The following UBE4B variants were observed in gnomAD, a reference collection of about 807,000 sequenced individuals.
UBE4B encodes the protein ubiquitin conjugation factor E4 B.
UBE4B carries 27 observed loss-of-function variants against 148.1 expected under a neutral mutation model. The ratio of observed to expected loss-of-function variants is 0.18; its 90% CI spans 0.13 to 0.25. The LOEUF (loss-of-function observed/expected upper bound fraction) is 0.25. Among genes scored for constraint, UBE4B ranks in the 10% least tolerant of loss-of-function variants. The probability of loss-of-function intolerance (pLI) is 1.00; values close to 1 mark genes in which losing one functional copy is unlikely to be tolerated. For synonymous variants in UBE4B, 596 were observed against 619.3 expected, an observed-to-expected ratio of 0.96 and a Z score of 0.56; for missense variants, 1,170 against 1,662.4, an observed-to-expected ratio of 0.70 and a Z score of 5.15.
At chr1:10,060,663 C>A (rs937915695) in intron 1 of UBE4B, among the ~76,000 whole-genome samples, 4 of 152,122 alleles carry the variant, frequency 2.6e-5, no homozygotes, top group African/African-American at 9.7e-5. Flanking sequence ...TAAGTGTGGT[C>A]ATCAGAAAAT....
Position 10,072,049 on chromosome 1 carries a change from C to T in UBE4B, c.46C>T (p.Arg16Ter). The change falls in exon 2 of 28, where the codon CGA becomes TGA. Residue 16 changes from arginine to a stop codon, truncating the protein, a stop_gained. Coordinates refer to ENST00000343090, the MANE Select transcript of UBE4B (RefSeq NM_001105562.3). LOFTEE classifies it high-confidence loss of function. ...ADEIRRRRLA[R>*]LAGGQTSQPT... is the part of the protein sequence containing the mutation. ...GTAGATTCGACGGAGGCGCCTTGCA[C>T]GACTTGCTGGTGGACAGACCTCTCA... 2 of 1,600,452 alleles carry T rather than the reference C, an allele frequency of 1.2e-6. No homozygotes were observed. The highest frequency in any genetic ancestry group is 1.7e-6 in the Non-Finnish European group (2 of 1,174,556).
At chr1:10,081,126 G>A (rs1050002101) in intron 2 of UBE4B, among the ~76,000 whole-genome samples, 1 of 152,076 alleles carries the variant, frequency 6.6e-6, no homozygotes, top group Admixed American at 6.6e-5. Flanking sequence ...ACAATGGCAC[G>A]ATCTTGGCTC....
intron 1 of UBE4B, among the ~76,000 whole-genome samples, chr1:10,035,900 C>A (rs928935025): frequency 4.7e-5 from 7 of 148,980 alleles, no homozygotes; most frequent in Non-Finnish European, 8.9e-5. Context: ...CCCGCCACCA[C>A]GCCCGGCTAA....
intron 7 of UBE4B, among the ~76,000 whole-genome samples, chr1:10,109,604 G>C (rs1042412833): frequency 1.3e-5 from 2 of 151,764 alleles, no homozygotes; most frequent in Non-Finnish European, 2.9e-5. Flanking sequence ...AAGAACTTAG[G>C]GTTCTTCTAA....
intron 2 of UBE4B, among the ~76,000 whole-genome samples, chr1:10,085,367 C>T (rs964624356): frequency 1.3e-5 from 2 of 152,146 alleles, no homozygotes; most frequent in African/African-American, 2.4e-5. Flanking sequence ...TGACTTCAGG[C>T]GGTTCTGTTT....
intron 1 of UBE4B, among the ~76,000 whole-genome samples, chr1:10,063,102 T>A (rs1031940564): frequency 1.1e-4 from 16 of 152,088 alleles, no homozygotes; most frequent in Non-Finnish European, 1.3e-4. Context: ...ACCCCGTCTC[T>A]AATAAAAATA....
chr1:10,134,066 GAA>G (rs969023497), intron 15 of UBE4B, among the ~76,000 whole-genome samples: 3 of 150,172 alleles, frequency 2.0e-5, no homozygotes, highest in African/African-American at 7.3e-5. Flanking sequence ...AAAAAAGAAA[GAA>G]AGAAAGAAAC....
rs552976129 is a variant in UBE4B, at chr1:10,116,345, G to T, written c.1197-1114G>T. Among the ~76,000 whole-genome samples, 8 of 152,180 alleles carry T rather than the reference G, an allele frequency of 5.3e-5. No homozygotes were observed. The South Asian group carries it at 1.5e-3, about 28-fold the overall frequency. ...TTTAGTAGAAACAGGGTTTCGCCCT[G>T]TTGGTCAGGCTGGTCTTGAACTCCT... On this transcript the variant is annotated intron_variant, in intron 7 of 27. Coordinates refer to ENST00000343090, the MANE Select transcript of UBE4B (RefSeq NM_001105562.3).
chr1:10,175,466 A>G (rs915090079), intron 25 of UBE4B, among the ~76,000 whole-genome samples: 2 of 150,514 alleles, frequency 1.3e-5, no homozygotes, highest in Admixed American at 6.6e-5. Context: ...CCTGGCTAAC[A>G]CGGTGAAACC....
intron 2 of UBE4B, among the ~76,000 whole-genome samples, chr1:10,078,333 A>G (rs1644618597): frequency 6.6e-6 from 1 of 152,148 alleles, no homozygotes. Context: ...TATATTTAAA[A>G]TGTAGGGCTT....
At chr1:10,155,849 C>G (rs1164119270) in intron 21 of UBE4B, among the ~76,000 whole-genome samples, 1 of 152,086 alleles carries the variant, frequency 6.6e-6, no homozygotes, top group Non-Finnish European at 1.5e-5. Flanking sequence ...ATGGCGAAAC[C>G]CTGTCTCTAC....
rs1646484649 is a variant in UBE4B, at chr1:10,180,047, TGGA to T, written c.*94_*96del. On this transcript the variant is annotated 3_prime_UTR_variant, in exon 28 of 28. Transcript: ENST00000343090. ...CGCAGCGAAGCTGCCGTTCATGTGT[TGGA>T]GGCCAAATGTGGCAAACCAACCCCA... is the stretch of plus-strand genomic sequence containing the variant. 1.3e-6 allele frequency: 2 copies of T among 1,569,848 alleles called. No individual in the cohort carries two copies. The highest frequency in any genetic ancestry group is 1.7e-6 in the Non-Finnish European group (2 of 1,148,560).
At chr1:10,097,913 C>T (rs1375988204) in intron 3 of UBE4B, among the ~76,000 whole-genome samples, 1 of 152,066 alleles carries the variant, frequency 6.6e-6, no homozygotes, top group Non-Finnish European at 1.5e-5. Context: ...CTCTGTCTCC[C>T]ATACTGGAAT....
chr1:10,154,006 C>T (rs993431030), intron 21 of UBE4B, among the ~76,000 whole-genome samples: 3 of 152,148 alleles, frequency 2.0e-5, no homozygotes, highest in East Asian at 1.9e-4. Context: ...CACTTGAACC[C>T]GCGAGGCAGA....
intron 8 of UBE4B, among the ~76,000 whole-genome samples, chr1:10,118,911 T>TCTCA (rs1645362860): frequency 9.6e-6 from 1 of 104,088 alleles, no homozygotes; most frequent in African/African-American, 4.0e-5. Flanking sequence ...TGAGATGGAG[T>TCTCA]CTCACTCTGT....
intron 12 of UBE4B, among the ~76,000 whole-genome samples, chr1:10,130,273 C>T (rs1379018665): frequency 6.6e-6 from 1 of 152,048 alleles, no homozygotes; most frequent in African/African-American, 2.4e-5. Flanking sequence ...CGGGGTTTCT[C>T]CATGTTGGCC....
chr1:10,036,393 T>G (rs1005516101), intron 1 of UBE4B, among the ~76,000 whole-genome samples: 1 of 152,182 alleles, frequency 6.6e-6, no homozygotes, highest in African/African-American at 2.4e-5. Flanking sequence ...TAAAATTATC[T>G]TCAACAAATT....
intron 2 of UBE4B, among the ~76,000 whole-genome samples, chr1:10,079,239 T>C (rs2101844447): frequency 6.6e-6 from 1 of 152,146 alleles, no homozygotes; most frequent in East Asian, 1.9e-4. Flanking sequence ...GGCAGTGACG[T>C]AGTCTGCCTC....
At chr1:10,100,809 C>G in intron 3 of UBE4B, 1 of 259,048 alleles carries the variant, frequency 3.9e-6, no homozygotes, top group South Asian at 4.5e-5. Context: ...CTGCCTTGGC[C>G]TCCCAAAGTG....
Sources: gnomAD v4.1 joint callset for allele counts (sites outside exome capture counted in the v4.1 genomes callset) on GRCh38, gnomAD v4.1.1 for gene constraint, MANE v1.5 for transcripts, NCBI Gene and HGNC (gene_info 2026-07-23, HGNC 2026-07-21) for gene names.